The following LRCH4 variants were observed in gnomAD, a reference collection of about 807,000 sequenced individuals.
LRCH4 encodes the protein leucine rich repeats and calponin homology domain containing 4.
A neutral mutation model predicts 81.2 loss-of-function variants in LRCH4; 56 were observed. The observed-to-expected ratio is 0.69, with a 90% CI of 0.56 to 0.86. LRCH4 has a LOEUF of 0.86. Among genes scored for constraint, LRCH4 ranks in the 40% least tolerant of loss-of-function variants. The pLI is 0.00. For missense variants in LRCH4, 895 were observed against 922.8 expected (o/e 0.97, Z 0.39); for synonymous variants, 442 against 409.7 (o/e 1.08, Z -0.95).
At chr7:100,581,050 T>G (rs559503192) in intron 4 of LRCH4, among the ~76,000 whole-genome samples, 1 of 152,316 alleles carries the variant, frequency 6.6e-6, no homozygotes, top group Non-Finnish European at 1.5e-5. Context: ...CCCTGGCATC[T>G]CCGGGAGGAG....
chr7:100,575,261 C>CG lies in LRCH4; in HGVS notation c.1897dup (p.Arg633ProfsTer69). 1 of 1,579,202 alleles carries CG rather than the reference C, an allele frequency of 6.3e-7. No individual in the cohort carries two copies. Among genetic ancestry groups the CG allele is most frequent in the Non-Finnish European group, 8.6e-7 (1 of 1,161,572 alleles). On this transcript the variant is annotated frameshift_variant, in exon 18 of 18. Coordinates refer to ENST00000310300, the MANE Select transcript of LRCH4 (RefSeq NM_002319.5). LOFTEE classifies it high-confidence loss of function. This position sits in a 1 kb window ranked among gnomAD's most constrained non-coding sequence, Gnocchi z 5.3. ...GGCCTCCAGCGCGGTCCGCAGCCCC[C>CG]GGGCAGTGCCCTGGAGGAGATCCGA...
At position 100,577,870 on chromosome 7, in the gene LRCH4, GCT is replaced by G; in HGVS notation, c.989_990del (p.Glu330AlafsTer25). Reference protein sequence around the residue: ...EFSELSFRISELAREPRGPRE... With the variant: ...EFSELSFRISXLAREPRGPRE... ...CTGGGTCCCCGGGGCTCCCGGGCCA[GCT>G]CTGAGATCCGGAATGACAGCTCTGA... On this transcript the variant is annotated frameshift_variant, in exon 8 of 18. Coordinates refer to ENST00000310300, the MANE Select transcript of LRCH4 (RefSeq NM_002319.5). LOFTEE classifies it high-confidence loss of function. The surrounding 1 kb of genome is among the most constrained non-coding windows in gnomAD (Gnocchi z 6.7). The G allele has an allele frequency of 6.2e-7, 1 of 1,614,028 alleles. No homozygotes were observed. The highest frequency in any genetic ancestry group is 8.5e-7 in the Non-Finnish European group (1 of 1,179,912).
chr7:100,584,316 G>C (rs886891180), intron 1 of LRCH4: 5 of 443,916 alleles, frequency 1.1e-5, no homozygotes, highest in African/African-American at 1.0e-4. Context: ...CCTGGGCCCT[G>C]TGTAGAGAGT....
In LRCH4 at chr7:100,575,708, A is replaced by G. The variant is rs745622577; in HGVS notation, c.1851T>C (p.Pro617=). The change falls in exon 17 of 18, where the codon CCT becomes CCC. Residue 617 remains proline, a synonymous_variant. Transcript: ENST00000310300. This position sits in a 1 kb window ranked among gnomAD's most constrained non-coding sequence, Gnocchi z 5.3. The stretch of plus-strand genomic sequence containing the variant: ...CTTTAGAAAGCAGCCCCCATACCTC[A>G]GGCACCCCCATTTTTCGACAGGCTT... ...FLEACRKMGV[P]EADLCSPSDL... is the part of the protein sequence containing the mutation. 22 of 1,613,918 alleles carry G rather than the reference A, an allele frequency of 1.4e-5. No individual in the cohort carries two copies. In the East Asian group the frequency reaches 4.9e-4, roughly 36 times the overall value.
rs370393310 is a variant in LRCH4 at position 100,577,771 on chromosome 7, G to A, written c.1040-31C>T. 9.5e-5 allele frequency: 153 copies of A among 1,613,474 alleles called. 3 individuals carry two copies. The South Asian group carries it at 1.2e-3, about 13-fold the overall frequency. On this transcript the variant is annotated intron_variant, in intron 8 of 17. Coordinates refer to ENST00000310300, the MANE Select transcript of LRCH4 (RefSeq NM_002319.5). The surrounding 1 kb of genome is among the most constrained non-coding windows in gnomAD (Gnocchi z 6.7). The stretch of plus-strand genomic sequence containing the variant: ...GAGGCCAGCATGTCAGCAAGTGAGC[G>A]GGGACCCAGGCCCTGGTCCAGCCCA...
rs772760685 is a variant in LRCH4, at chr7:100,575,132, G to A, written c.2027C>T (p.Thr676Ile). The stretch of plus-strand genomic sequence containing the variant: ...CTAGGAACCCAGGAGCCGAGTGTAG[G>A]TGACATAGAGCAGCAGCATGAGGAC... ...YVVLMLLLYV[T>I]YTRLLGS The change falls in exon 18 of 18, where the codon ACC (threonine) becomes ATC (isoleucine). Residue 676 changes from threonine to isoleucine, a missense_variant. Thr to Ile is a moderately conservative substitution (Grantham distance 89). Around this residue, in one of 3 missense-constraint regions of LRCH4, gnomAD observed 529 missense variants for 504.9 expected, o/e 1.05. Transcript: ENST00000310300. The surrounding 1 kb of genome is among the most constrained non-coding windows in gnomAD (Gnocchi z 5.3). The A allele has an allele frequency of 1.1e-5, 18 of 1,612,192 alleles. No individual in the cohort carries two copies. The highest frequency in any genetic ancestry group is 1.3e-5 in the Non-Finnish European group (15 of 1,178,920).
Position 100,574,957 on chromosome 7 carries a change from C to T in LRCH4, c.*150G>A, listed in dbSNP as rs1261776404. ...CTGGGGGCCCAGGGTCTGGGGGCAC[C>T]AGAGTGGGGCCTCTGAGGTCAGTGT... On this transcript the variant is annotated 3_prime_UTR_variant, in exon 18 of 18. Transcript: ENST00000310300. 3 of 746,722 alleles carry T rather than the reference C, an allele frequency of 4.0e-6. No homozygotes were observed. Among genetic ancestry groups the T allele is most frequent in the Non-Finnish European group, 6.4e-6 (3 of 465,958 alleles). 46.3% of individuals were successfully genotyped at this position (746,722 alleles called of 1,614,324 possible).
Position 100,582,603 on chromosome 7 carries a change from C to T in LRCH4, c.221-144G>A. On this transcript the variant is annotated intron_variant, in intron 1 of 17. Transcript: ENST00000310300. The surrounding 1 kb of genome is among the most constrained non-coding windows in gnomAD (Gnocchi z 5.0). ...CAATGTGGCCTCCCAGGAGAGATAACAAAGCCTTCTGCCAACGGGAGCACA... is the reference window on the plus strand; with the variant it reads ...CAATGTGGCCTCCCAGGAGAGATAATAAAGCCTTCTGCCAACGGGAGCACA... 1.2e-6 allele frequency: 1 copy of T among 835,966 alleles called. No homozygotes were observed. The highest frequency in any genetic ancestry group is 1.9e-6 in the Non-Finnish European group (1 of 540,260). 51.8% of individuals were successfully genotyped at this position (835,966 alleles called of 1,614,324 possible).
In LRCH4 at chr7:100,575,818, G is replaced by A. The variant is rs1193185385; in HGVS notation, c.1777-36C>T. 1.2e-6 allele frequency: 2 copies of A among 1,608,294 alleles called. No individual in the cohort carries two copies. The highest frequency in any genetic ancestry group is 3.3e-5 in the Admixed American group (2 of 59,748). Reference sequence around the variant, plus strand: ...TGAAAGAAGAAAATGTGGTAAGGGAGAGGCCACAGGCGCCCCGGCCCATCC... The same window carrying A: ...TGAAAGAAGAAAATGTGGTAAGGGAAAGGCCACAGGCGCCCCGGCCCATCC... On this transcript the variant is annotated intron_variant, in intron 16 of 17. Coordinates refer to ENST00000310300, the MANE Select transcript of LRCH4 (RefSeq NM_002319.5). The surrounding 1 kb of genome is among the most constrained non-coding windows in gnomAD (Gnocchi z 5.3).
rs199995742 is a variant in LRCH4 at position 100,575,939 on chromosome 7, G to T, written c.1708C>A (p.Leu570Met). 3.1e-6 allele frequency: 5 copies of T among 1,611,240 alleles called. No homozygotes were observed. The highest frequency in any genetic ancestry group is 1.3e-5 in the African/African-American group (1 of 75,062). Residue 570 changes from leucine to methionine, a missense_variant, in exon 16 of 18, where the codon CTG (leucine) becomes ATG (methionine). Transcript: ENST00000310300. This position sits in a 1 kb window ranked among gnomAD's most constrained non-coding sequence, Gnocchi z 5.3. ...CGTAGCTGGTTGGCCAGCTGGCACA[G>T]GATGACCCCACTGGCCAGAGCCTCG... is the stretch of plus-strand genomic sequence containing the variant. ...LAEALASGVI[L>M]CQLANQLRPR...
Position 100,575,962 on chromosome 7 carries a change from T to C in LRCH4, c.1685A>G (p.Glu562Gly), listed in dbSNP as rs1305391932. The C allele has an allele frequency of 1.2e-6, 2 of 1,609,136 alleles. No individual in the cohort carries two copies. The highest frequency in any genetic ancestry group is 1.7e-5 in the Admixed American group (1 of 59,270). ...CAGGATGACCCCACTGGCCAGAGCC[T>C]CGGCCAGGTCCTCAGGCAGGGGCCG... ...LQRPLPEDLA[E>G]ALASGVILCQ... Residue 562 changes from glutamate (E) to glycine (G), a missense_variant, in exon 16 of 18, where the codon GAG (glutamate) becomes GGG (glycine). This residue lies in a region of LRCH4 where 529 missense variants were observed against 504.9 expected (regional missense o/e 1.05). Transcript: ENST00000310300. The surrounding 1 kb of genome is among the most constrained non-coding windows in gnomAD (Gnocchi z 5.3).
Position 100,577,337 on chromosome 7 carries a change from A to G in LRCH4, c.1231T>C (p.Trp411Arg). 6.3e-7 allele frequency: 1 copy of G among 1,599,384 alleles called. No homozygotes were observed. The highest frequency in any genetic ancestry group is 8.5e-7 in the Non-Finnish European group (1 of 1,179,158). The change falls in exon 11 of 18, where the codon TGG (tryptophan) becomes CGG (arginine). Residue 411 changes from tryptophan to arginine, a missense_variant. Physicochemically the swap from Trp to Arg is moderately radical, Grantham distance 101. Coordinates refer to ENST00000310300, the MANE Select transcript of LRCH4 (RefSeq NM_002319.5). This position sits in a 1 kb window ranked among gnomAD's most constrained non-coding sequence, Gnocchi z 6.7. ...TGCTGCCGCCGTTCCCGCTCCTGCC[A>G]CAGCTGCAAGGTGTCCGGGCGCCGC... is the stretch of plus-strand genomic sequence containing the variant. Reference protein sequence around the residue: ...ERRRPDTLQLWQERERRQQQQ... With the variant: ...ERRRPDTLQLRQERERRQQQQ...
At position 100,582,527 on chromosome 7, in the gene LRCH4, C is replaced by A. The variant is rs893581219; in HGVS notation, c.221-68G>T. 4 of 1,515,352 alleles carry A rather than the reference C, an allele frequency of 2.6e-6. No homozygotes were observed. Among genetic ancestry groups the A allele is most frequent in the Non-Finnish European group, 3.6e-6 (4 of 1,123,226 alleles). The allele number at this position is 1,515,352 out of a possible 1,614,324, so 93.9% of individuals were successfully genotyped here. On this transcript the variant is annotated intron_variant, in intron 1 of 17. Transcript: ENST00000310300. This position sits in a 1 kb window ranked among gnomAD's most constrained non-coding sequence, Gnocchi z 5.0. ...GCCCGGACAGGACCTTCAGTCCCCC[C>A]AGAGCCGGCTGCCCACTCCCTCACC...
In LRCH4 at chr7:100,578,274, C is replaced by A. The variant is rs200559720; in HGVS notation, c.849-16G>T. On this transcript the variant is annotated splice_polypyrimidine_tract_variant and intron_variant, in intron 6 of 17. Transcript: ENST00000310300. This position sits in a 1 kb window ranked among gnomAD's most constrained non-coding sequence, Gnocchi z 5.7. ...CTCTGCAGGGCTGGGGCCAGCCAGG[C>A]GGATCTGGTCAGCCTGATGCTGGAC... The A allele has an allele frequency of 2.5e-6, 4 of 1,611,692 alleles. No individual in the cohort carries two copies. Among genetic ancestry groups the A allele is most frequent in the Non-Finnish European group, 3.4e-6 (4 of 1,177,788 alleles).
chr7:100,578,576 C>CTA lies in LRCH4; in HGVS notation c.736-67_736-66dup. The CTA allele has an allele frequency of 1.2e-6, 2 of 1,601,120 alleles. No individual in the cohort carries two copies. Among genetic ancestry groups the CTA allele is most frequent in the Non-Finnish European group, 1.7e-6 (2 of 1,172,014 alleles). On this transcript the variant is annotated intron_variant, in intron 5 of 17. Coordinates refer to ENST00000310300, the MANE Select transcript of LRCH4 (RefSeq NM_002319.5). This position sits in a 1 kb window ranked among gnomAD's most constrained non-coding sequence, Gnocchi z 5.7. ...GGGCAGCTCCCCGGATCCTGCTCAG[C>CTA]TATCCAAGGGGACCAACCCCACTCC...
At chr7:100,580,855 C>A (rs1801530902) in intron 4 of LRCH4, 1 of 151,958 alleles carries the variant, frequency 6.6e-6, no homozygotes, top group South Asian at 2.1e-4. Flanking sequence ...ACAGACACAA[C>A]ACACACATAC....
chr7:100,584,582 C>G (rs1462747891), intron 1 of LRCH4: 1 of 409,630 alleles, frequency 2.4e-6, no homozygotes, highest in African/African-American at 2.1e-5. Flanking sequence ...GTGAGTGTCA[C>G]ACAGCTGCTG....
Position 100,575,086 on chromosome 7 carries a change from AG to A in LRCH4, c.*20del, listed in dbSNP as rs759737609. On this transcript the variant is annotated 3_prime_UTR_variant, in exon 18 of 18. Coordinates refer to ENST00000310300, the MANE Select transcript of LRCH4 (RefSeq NM_002319.5). The surrounding 1 kb of genome is among the most constrained non-coding windows in gnomAD (Gnocchi z 5.3). ...AAATAGAGAGGAAGGGAAAGGGGTG[AG>A]GGAGGGCCGATTTTGGGGCCTAGGA... 117 of 1,594,362 alleles carry A rather than the reference AG, an allele frequency of 7.3e-5. No individual in the cohort carries two copies. In the African/African-American group the frequency reaches 1.3e-3, roughly 18 times the overall value.
In LRCH4 at chr7:100,577,194, G is replaced by C; in HGVS notation, c.1296-40C>G. The C allele has an allele frequency of 1.2e-6, 2 of 1,612,666 alleles. No homozygotes were observed. Reference sequence around the variant, plus strand: ...GGTGGGGTCAGCTAGCCCCAAGGCAGAACGGCTCAGCGGGGCTCGGTGGCC... The same window carrying C: ...GGTGGGGTCAGCTAGCCCCAAGGCACAACGGCTCAGCGGGGCTCGGTGGCC... On this transcript the variant is annotated intron_variant, in intron 11 of 17. Coordinates refer to ENST00000310300, the MANE Select transcript of LRCH4 (RefSeq NM_002319.5). The surrounding 1 kb of genome is among the most constrained non-coding windows in gnomAD (Gnocchi z 6.7).
Sources: gnomAD v4.1 joint callset for allele counts (sites outside exome capture counted in the v4.1 genomes callset) on GRCh38, gnomAD v4.1.1 for gene constraint, gnomAD v4.1.1 regional missense constraint, Gnocchi (gnomAD v3.1) non-coding constraint, MANE v1.5 for transcripts, NCBI Gene and HGNC (gene_info 2026-07-23, HGNC 2026-07-21) for gene names.